The following CNTNAP2 variants were observed in gnomAD, a reference collection of about 807,000 sequenced individuals.
The protein encoded by CNTNAP2 is contactin associated protein 2, also known as contactin-associated protein-like 2.
CNTNAP2 carries 98 observed loss-of-function variants against 155.2 expected under a neutral mutation model. That is an observed-to-expected ratio of 0.63 (90% CI 0.54 to 0.75). The LOEUF is 0.75. Ranked by LOEUF, CNTNAP2 falls within the 30% of genes least tolerant of loss-of-function variation. The pLI is 0.00. For synonymous variants in CNTNAP2, 651 were observed against 631.2 expected (o/e 1.03, Z -0.47); for missense variants, 1,727 against 1,688.1 (o/e 1.02, Z -0.40).
chr7:147,575,107 ATGTGTGTGTGTG>A lies in CNTNAP2; in HGVS notation c.1897+12884_1897+12895del, dbSNP rs754922892. Among the ~76,000 whole-genome samples, 106 of 94,142 alleles carry A rather than the reference ATGTGTGTGTGTG, an allele frequency of 1.1e-3. 2 individuals are homozygous for A. The highest frequency in any genetic ancestry group is 3.2e-3 in the African/African-American group (81 of 25,576). The allele number at this position is 94,142 out of a possible 152,430, so 61.8% of individuals were successfully genotyped here. A position where few individuals can be genotyped will look rare whatever the true frequency, so the allele number is the denominator to read the frequency against. ...CATATTCTCCCGGTCTTTGTGGGAA[ATGTGTGTGTGTG>A]TGTGTGTGTGTGTGTGTGTGTGTGT... On this transcript the variant is annotated intron_variant, in intron 12 of 23. Transcript: ENST00000361727.
At chr7:147,431,982 G>C (rs1797473483) in intron 10 of CNTNAP2, among the ~76,000 whole-genome samples, 1 of 151,968 alleles carries the variant, frequency 6.6e-6, no homozygotes, top group South Asian at 2.1e-4. Flanking sequence ...AGTATATCTG[G>C]GTTTGTTTAA....
intron 8 of CNTNAP2, among the ~76,000 whole-genome samples, chr7:147,292,495 C>T (rs1805336594): frequency 6.6e-6 from 1 of 151,994 alleles, no homozygotes; most frequent in South Asian, 2.1e-4. Flanking sequence ...TTTGAATCAT[C>T]TCATGCATTT....
chr7:147,660,958 C>T (rs1177578715), intron 13 of CNTNAP2, among the ~76,000 whole-genome samples: 1 of 152,132 alleles, frequency 6.6e-6, no homozygotes, highest in East Asian at 1.9e-4. Flanking sequence ...CTCATGCCCC[C>T]CTATTGCACA....
chr7:146,206,269 T>C (rs906462207), intron 1 of CNTNAP2, among the ~76,000 whole-genome samples: 1 of 151,922 alleles, frequency 6.6e-6, no homozygotes, highest in African/African-American at 2.4e-5. Context: ...TAATTAATCA[T>C]TGGCCTTGAA....
intron 16 of CNTNAP2, chr7:148,133,778 G>C (rs897725938): frequency 6.6e-6 from 1 of 152,144 alleles, no homozygotes; most frequent in Non-Finnish European, 1.5e-5. Flanking sequence ...GATGAAAAGG[G>C]GAAAGAAACC....
At chr7:148,393,759 C>G (rs1177769800) in intron 22 of CNTNAP2, among the ~76,000 whole-genome samples, 1 of 152,088 alleles carries the variant, frequency 6.6e-6, no homozygotes, top group African/African-American at 2.4e-5. Context: ...TTAAATGTGG[C>G]TGTTCTATAT....
chr7:146,274,053 T>C (rs1030246632), intron 1 of CNTNAP2, among the ~76,000 whole-genome samples: 6 of 152,122 alleles, frequency 3.9e-5, no homozygotes, highest in Admixed American at 3.9e-4. Flanking sequence ...TTAAGTGAAA[T>C]AATAATATAT....
At chr7:146,640,289 T>TA (rs1799682911) in intron 1 of CNTNAP2, among the ~76,000 whole-genome samples, 1 of 152,208 alleles carries the variant, frequency 6.6e-6, no homozygotes, top group Admixed American at 6.5e-5. Flanking sequence ...AAAGGAAAGA[T>TA]ACGTTTCTTC....
At chr7:146,470,184 T>C (rs59190442) in intron 1 of CNTNAP2, among the ~76,000 whole-genome samples, 8,336 of 152,224 alleles carry the variant, frequency 0.055, 722 homozygotes, top group African/African-American at 0.19. Context: ...TCTTTATAAA[T>C]TTAATCACAC....
intron 11 of CNTNAP2, among the ~76,000 whole-genome samples, chr7:147,547,282 CA>C (rs905988251): frequency 3.3e-5 from 5 of 152,126 alleles, no homozygotes; most frequent in African/African-American, 1.2e-4. Context: ...CATCCTAAGC[CA>C]GTATTTCAGC....
At chr7:147,537,134 A>G (rs2116736107) in intron 11 of CNTNAP2, among the ~76,000 whole-genome samples, 1 of 152,362 alleles carries the variant, frequency 6.6e-6, no homozygotes, top group African/African-American at 2.4e-5. Flanking sequence ...GGAAAGAACC[A>G]TGCTGGTCTT....
chr7:148,197,333 G>A (rs1406457879), intron 18 of CNTNAP2, among the ~76,000 whole-genome samples: 1 of 152,022 alleles, frequency 6.6e-6, no homozygotes, highest in Non-Finnish European at 1.5e-5. Flanking sequence ...ATGATTCCGT[G>A]AAAAAATGCA....
chr7:148,414,933 A>ACTT (rs1799942832), intron 23 of CNTNAP2: 1 of 209,056 alleles, frequency 4.8e-6, no homozygotes, highest in Non-Finnish European at 9.8e-6. Context: ...ATTCAGAGAG[A>ACTT]CTTATGTGCA....
chr7:146,823,861 C>T (rs188635377), intron 2 of CNTNAP2, among the ~76,000 whole-genome samples: 2 of 152,034 alleles, frequency 1.3e-5, no homozygotes, highest in Admixed American at 1.3e-4. Flanking sequence ...TCTATAATGT[C>T]ACACAGACAT....
intron 14 of CNTNAP2, among the ~76,000 whole-genome samples, chr7:147,919,117 C>T (rs1369033382): frequency 1.3e-5 from 2 of 152,124 alleles, no homozygotes; most frequent in Non-Finnish European, 2.9e-5. Context: ...GGAAGAAATC[C>T]ATGAACTAAG....
chr7:146,134,872 C>T (rs1038599947), intron 1 of CNTNAP2, among the ~76,000 whole-genome samples: 1 of 151,494 alleles, frequency 6.6e-6, no homozygotes. Context: ...CTAAAATTCT[C>T]TTTTTTTGTT....
At position 147,037,818 on chromosome 7, in the gene CNTNAP2, C is replaced by T. The variant is rs375242764; in HGVS notation, c.403-6089C>T. Among the ~76,000 whole-genome samples the T allele has an allele frequency of 1.5e-4, 23 of 152,226 alleles. 1 individual carries two copies. The highest frequency in any genetic ancestry group is 3.4e-3 in the Middle Eastern group (1 of 294). The stretch of plus-strand genomic sequence containing the variant: ...TTAGACGTTGTTTTTATTAAATCAA[C>T]GGCTACATCTCCTTTTATGTTTCCT... On this transcript the variant is annotated intron_variant, in intron 3 of 23. Transcript: ENST00000361727.
chr7:146,205,928 A>G (rs1471799803), intron 1 of CNTNAP2, among the ~76,000 whole-genome samples: 5 of 151,942 alleles, frequency 3.3e-5, no homozygotes, highest in Non-Finnish European at 7.4e-5. Flanking sequence ...TGAGGCTACC[A>G]ACATAGCAAA....
At chr7:146,959,006 ATTTT>A (rs907146983) in intron 3 of CNTNAP2, among the ~76,000 whole-genome samples, 1 of 151,192 alleles carries the variant, frequency 6.6e-6, no homozygotes, top group African/African-American at 2.4e-5. Flanking sequence ...TGACTTTTTT[ATTTT>A]ATTTTATTTT....
Sources: allele counts gnomAD v4.1 joint callset (sites outside exome capture counted in the v4.1 genomes callset), GRCh38; gene constraint gnomAD v4.1.1; transcripts MANE v1.5; gene names NCBI Gene and HGNC (gene_info 2026-07-23, HGNC 2026-07-21).